MTOR: variants seen among roughly 807,000 people sequenced by gnomAD.
MTOR encodes serine/threonine-protein kinase mTOR.
MTOR carries 70 observed loss-of-function variants against 319.8 expected under a neutral mutation model. That is an observed-to-expected ratio of 0.22 (90% confidence interval 0.18 to 0.27). The LOEUF is 0.27. MTOR is among the 10% of genes least tolerant of loss of function. The probability of loss-of-function intolerance (pLI) is 1.00; values close to 1 mark genes in which losing one functional copy is unlikely to be tolerated. For synonymous variants in MTOR, 1,183 were observed against 1,211.4 expected, an observed-to-expected ratio of 0.98 and a Z score of 0.49; for missense variants, 1,890 against 3,274.4, an observed-to-expected ratio of 0.58 and a Z score of 10.32.
chr1:11,253,985 G>A lies in MTOR; in HGVS notation c.706-12C>T, dbSNP rs754769476. On this transcript the variant is annotated splice_polypyrimidine_tract_variant and intron_variant, in intron 5 of 57. Coordinates refer to ENST00000361445, the MANE Select transcript of MTOR (RefSeq NM_004958.4). ...TCTTCAAATGTGTGCTATGTAGAGA[G>A]ACAGGGTGCCTTCATTAGAGACAGA... 15 of 1,613,980 alleles carry A rather than the reference G, an allele frequency of 9.3e-6. No homozygotes were observed. Among genetic ancestry groups the A allele is most frequent in the Non-Finnish European group, 1.3e-5 (15 of 1,180,002 alleles).
In MTOR at chr1:11,114,870, C is replaced by T. The variant is rs758543054; in HGVS notation, c.7107G>A (p.Glu2369=). ...GDCFEVAMTR[E]KFPEKIPFRL... ...TAAATGGAATCTTCTCTGGAAACTT[C>T]TCTCGGGTCATAGCAACCTACAGAA... The change falls in exon 52 of 58, where the codon GAG becomes GAA. Residue 2369 remains glutamate, a synonymous_variant. Transcript: ENST00000361445. 4 of 1,614,112 alleles carry T rather than the reference C, an allele frequency of 2.5e-6. No individual in the cohort carries two copies. Among genetic ancestry groups the T allele is most frequent in the East Asian group, 4.5e-5 (2 of 44,876 alleles).
intron 10 of MTOR, among the ~76,000 whole-genome samples, chr1:11,241,162 AT>A (rs1647960342): frequency 6.6e-6 from 1 of 151,914 alleles, no homozygotes. Context: ...TCTACTAAAA[AT>A]ACAAAGAATT....
At position 11,256,608 on chromosome 1, in the gene MTOR, G is replaced by C. The variant is rs537093842; in HGVS notation, c.504+325C>G. ...AACTGAAGGTCAGAAGCTGCCCCAGGTTACAGAGTTAGGTAGGAAGTTGCA... is the reference window on the plus strand; with the variant it reads ...AACTGAAGGTCAGAAGCTGCCCCAGCTTACAGAGTTAGGTAGGAAGTTGCA... On this transcript the variant is annotated intron_variant, in intron 4 of 57. Coordinates refer to ENST00000361445, the MANE Select transcript of MTOR (RefSeq NM_004958.4). Among the ~76,000 whole-genome samples, 66 of 152,300 alleles carry C rather than the reference G, an allele frequency of 4.3e-4. No individual in the cohort carries two copies. In the South Asian group the frequency reaches 7.9e-3, roughly 18 times the overall value.
chr1:11,244,358 C>A (rs12744973), intron 8 of MTOR, among the ~76,000 whole-genome samples: 1 of 148,604 alleles, frequency 6.7e-6, no homozygotes, highest in East Asian at 2.0e-4. Flanking sequence ...CAGGGTCGGG[C>A]GCGGTGGCTC....
chr1:11,240,792 C>A (rs2100911435), intron 10 of MTOR, among the ~76,000 whole-genome samples: 1 of 152,276 alleles, frequency 6.6e-6, no homozygotes, highest in South Asian at 2.1e-4. Flanking sequence ...CTACAGAAGA[C>A]CAAGTCTCAA....
At chr1:11,232,946 T>C in intron 15 of MTOR, 2 of 758,266 alleles carry the variant, frequency 2.6e-6, no homozygotes, top group South Asian at 1.4e-5. Context: ...GGTGTGTGCC[T>C]GACTCTGATT....
At position 11,199,751 on chromosome 1, in the gene MTOR, C is replaced by T. The variant is rs374972566; in HGVS notation, c.3945-48G>A. On this transcript the variant is annotated intron_variant, in intron 26 of 57. Transcript: ENST00000361445. The surrounding 1 kb of genome is among the most constrained non-coding windows in gnomAD (Gnocchi z 4.5). ...ATGGAGAGACCTCCCGTGCCTCTGC[C>T]TGCTGCCTCAAAGTCACACCTATCA... The T allele has an allele frequency of 1.3e-4, 202 of 1,601,226 alleles. No individual in the cohort carries two copies. The highest frequency in any genetic ancestry group is 1.6e-4 in the Non-Finnish European group (189 of 1,171,830).
At chr1:11,258,644 G>C (rs765680004) in intron 2 of MTOR, 51 bp from the exon 3 acceptor site, 52 of 1,373,938 alleles carry the variant, frequency 3.8e-5, no homozygotes, top group Non-Finnish European at 5.0e-5. Flanking sequence ...TCTAACTGTG[G>C]TGGTGGGAGT....
chr1:11,133,019 A>T lies in MTOR; in HGVS notation c.5364+61T>A. On this transcript the variant is annotated intron_variant, in intron 38 of 57. Transcript: ENST00000361445. This position sits in a 1 kb window ranked among gnomAD's most constrained non-coding sequence, Gnocchi z 4.0. The stretch of plus-strand genomic sequence containing the variant: ...CAGAAGCTCAGCTGTAACCACGAGC[A>T]CACAGGAGGACACGAGCCAGCCAGG... The T allele has an allele frequency of 5.0e-6, 7 of 1,405,322 alleles. No individual in the cohort carries two copies. Among genetic ancestry groups the T allele is most frequent in the Non-Finnish European group, 6.0e-6 (6 of 993,118 alleles). The allele number at this position is 1,405,322 out of a possible 1,614,324, so 87.1% of individuals were successfully genotyped here. A position where few individuals can be genotyped will look rare whatever the true frequency, so the allele number is the denominator to read the frequency against.
intron 47 of MTOR, among the ~76,000 whole-genome samples, chr1:11,122,832 C>T (rs530125789): frequency 1.4e-4 from 21 of 152,178 alleles, no homozygotes; most frequent in East Asian, 1.2e-3. Flanking sequence ...AATGAGCCCC[C>T]GCCGCAGCAG....
chr1:11,253,170 C>T (rs1032328628), intron 6 of MTOR, among the ~76,000 whole-genome samples: 1 of 152,082 alleles, frequency 6.6e-6, no homozygotes, highest in Non-Finnish European at 1.5e-5. Flanking sequence ...CATTGTGGTC[C>T]GATGCTTCTC....
At position 11,261,581 on chromosome 1, in the gene MTOR, A is replaced by G. The variant is rs866727642; in HGVS notation, c.-15+864T>C. 2.0e-5 allele frequency among the ~76,000 whole-genome samples: 3 copies of G among 152,296 alleles called. No homozygotes were observed. The East Asian group carries it at 5.8e-4, about 29-fold the overall frequency. ...CACCTATCCCAAGTATGTTCAGCTT[A>G]TGCTACAAAACCAATTTCTCAAAAT... On this transcript the variant is annotated intron_variant, in intron 1 of 57. Coordinates refer to ENST00000361445, the MANE Select transcript of MTOR (RefSeq NM_004958.4).
chr1:11,124,695 C>T, intron 46 of MTOR, 62 bp from the exon 47 acceptor site: 2 of 1,556,478 alleles, frequency 1.3e-6, no homozygotes, highest in Non-Finnish European at 1.8e-6. Flanking sequence ...CAGCTGAGAG[C>T]ACCACTGCAT....
At chr1:11,223,677 A>G (rs1359944949) in intron 19 of MTOR, among the ~76,000 whole-genome samples, 3 of 152,150 alleles carry the variant, frequency 2.0e-5, no homozygotes, top group East Asian at 1.9e-4. Flanking sequence ...AAATCCAGAA[A>G]AAGACAAAAA....
chr1:11,228,989 TAACA>T (rs557673401), intron 18 of MTOR, 71 bp from the exon 19 acceptor site: 1 of 1,560,326 alleles, frequency 6.4e-7, no homozygotes, highest in South Asian at 1.2e-5. Flanking sequence ...GCATGGTTAG[TAACA>T]AACAACCTCC....
chr1:11,182,059 A>G (rs1645176635), intron 28 of MTOR, among the ~76,000 whole-genome samples: 1 of 152,094 alleles, frequency 6.6e-6, no homozygotes, highest in Non-Finnish European at 1.5e-5. Context: ...CTCTACTAAA[A>G]ATACAAAATT....
At chr1:11,236,897 T>G (rs1282370456) in intron 13 of MTOR, among the ~76,000 whole-genome samples, 2 of 152,208 alleles carry the variant, frequency 1.3e-5, no homozygotes, top group Non-Finnish European at 2.9e-5. Context: ...GGCCGGCAGT[T>G]AAATAAATCA....
At chr1:11,180,566 T>C (rs1319529654) in intron 28 of MTOR, among the ~76,000 whole-genome samples, 4 of 152,174 alleles carry the variant, frequency 2.6e-5, no homozygotes, top group Non-Finnish European at 5.9e-5. Flanking sequence ...TGGAGATGTC[T>C]AACCCAAAGA....
At chr1:11,154,226 G>A (rs1215470419) in intron 30 of MTOR, among the ~76,000 whole-genome samples, 2 of 151,138 alleles carry the variant, frequency 1.3e-5, no homozygotes, top group Admixed American at 1.3e-4. Flanking sequence ...TAAATAAAGC[G>A]GATTTTAAAA....
Sources: gnomAD v4.1 joint callset for allele counts (sites outside exome capture counted in the v4.1 genomes callset) on GRCh38, gnomAD v4.1.1 for gene constraint, Gnocchi (gnomAD v3.1) non-coding constraint, MANE v1.5 for transcripts, NCBI Gene and HGNC (gene_info 2026-07-23, HGNC 2026-07-21) for gene names.